The following ZBTB20 variants were observed in gnomAD, a reference collection of about 807,000 sequenced individuals.
The protein encoded by ZBTB20 is zinc finger and BTB domain-containing protein 20.
ZBTB20 carries 9 observed loss-of-function variants against 56.9 expected under a neutral mutation model. The observed-to-expected ratio is 0.16, with a 90% CI of 0.10 to 0.28. The LOEUF (loss-of-function observed/expected upper bound fraction) is 0.28. Ranked by LOEUF, ZBTB20 falls within the 10% of genes least tolerant of loss-of-function variation. ZBTB20 has a pLI of 1.00. For synonymous variants in ZBTB20, 417 were observed against 420.7 expected, an observed-to-expected ratio of 0.99 and a Z score of 0.11; for missense variants, 655 against 1,003.0, an observed-to-expected ratio of 0.65 and a Z score of 4.69.
chr3:114,863,148 A>G (rs1441137014), intron 4 of ZBTB20, among the ~76,000 whole-genome samples: 1 of 152,108 alleles, frequency 6.6e-6, no homozygotes, highest in Non-Finnish European at 1.5e-5. Context: ...TCTTCTGAGT[A>G]GCCAGGAGGA....
intron 5 of ZBTB20, among the ~76,000 whole-genome samples, chr3:114,778,836 T>C (rs1477210658): frequency 6.6e-6 from 1 of 152,218 alleles, no homozygotes; most frequent in Non-Finnish European, 1.5e-5. Context: ...AGTATTCATT[T>C]GGCAGTAGTT....
chr3:114,580,298 C>A (rs1014590207), intron 6 of ZBTB20, among the ~76,000 whole-genome samples: 1 of 151,528 alleles, frequency 6.6e-6, no homozygotes, highest in Admixed American at 6.6e-5. Flanking sequence ...TAAAATTTAA[C>A]TAGTATTTCT....
chr3:114,855,509 T>C (rs1347190247), intron 4 of ZBTB20, among the ~76,000 whole-genome samples: 1 of 152,212 alleles, frequency 6.6e-6, no homozygotes, highest in Admixed American at 6.6e-5. Context: ...GTTCTCTTTA[T>C]GTTCAAAATA....
Position 114,331,588 on chromosome 3 carries a change from G to A in ZBTB20, c.*7417C>T, listed in dbSNP as rs1337215019. 3 of 152,124 alleles carry A rather than the reference G, an allele frequency of 2.0e-5. No individual in the cohort carries two copies. The highest frequency in any genetic ancestry group is 3.9e-4 in the East Asian group (2 of 5,188). 9.4% of individuals were successfully genotyped at this position (152,124 alleles called of 1,614,324 possible). On this transcript the variant is annotated 3_prime_UTR_variant, in exon 12 of 12. Coordinates refer to ENST00000675478, the MANE Select transcript of ZBTB20 (RefSeq NM_001348800.3). ...AGTATATACACAAACACACACATGT[G>A]CACACATGTCAATAAATCCAATAGA...
rs1038217617 is a variant in ZBTB20 at position 114,319,253 on chromosome 3, T to A, written c.*19752A>T. The A allele has an allele frequency of 1.3e-5, 2 of 151,880 alleles. No individual in the cohort carries two copies. The highest frequency in any genetic ancestry group is 4.8e-5 in the African/African-American group (2 of 41,328). The allele number at this position is 151,880 out of a possible 1,614,324, so 9.4% of individuals were successfully genotyped here. A position where few individuals can be genotyped will look rare whatever the true frequency, so the allele number is the denominator to read the frequency against. The stretch of plus-strand genomic sequence containing the variant: ...AAATATTACACAACAAAAATATGTA[T>A]CCTTCCTTTCCAAAAAAGATTCTTC... On this transcript the variant is annotated 3_prime_UTR_variant, in exon 12 of 12. Coordinates refer to ENST00000675478, the MANE Select transcript of ZBTB20 (RefSeq NM_001348800.3).
intron 7 of ZBTB20, among the ~76,000 whole-genome samples, chr3:114,438,293 T>A (rs2090659043): frequency 6.6e-6 from 1 of 151,960 alleles, no homozygotes; most frequent in Non-Finnish European, 1.5e-5. Context: ...TAAGATAATC[T>A]TAATGTTAGG....
At chr3:115,011,657 A>C (rs1275784240) in intron 2 of ZBTB20, among the ~76,000 whole-genome samples, 1 of 151,930 alleles carries the variant, frequency 6.6e-6, no homozygotes, top group African/African-American at 2.4e-5. Flanking sequence ...GAAATGCTAA[A>C]GGGAGTACTT....
At chr3:114,891,609 G>A (rs549908083) in intron 4 of ZBTB20, among the ~76,000 whole-genome samples, 18 of 152,284 alleles carry the variant, frequency 1.2e-4, no homozygotes, top group Admixed American at 7.2e-4. Context: ...GCTATAAAAT[G>A]TAAGTAAATA....
At chr3:114,563,025 A>G (rs1380614448) in intron 6 of ZBTB20, among the ~76,000 whole-genome samples, 3 of 152,228 alleles carry the variant, frequency 2.0e-5, no homozygotes, top group Non-Finnish European at 4.4e-5. Context: ...AAGTGAGCAC[A>G]TGCTGTTGGA....
At chr3:114,423,708 C>A (rs1449626478) in intron 7 of ZBTB20, among the ~76,000 whole-genome samples, 1 of 152,148 alleles carries the variant, frequency 6.6e-6, no homozygotes, top group African/African-American at 2.4e-5. Flanking sequence ...ATATGAAATA[C>A]TCTGATGTTC....
At chr3:114,599,179 A>G (rs2056570969) in intron 6 of ZBTB20, 1 of 152,090 alleles carries the variant, frequency 6.6e-6, no homozygotes, top group Non-Finnish European at 1.5e-5. Flanking sequence ...AGTACATGGC[A>G]TTTCATGATG....
intron 6 of ZBTB20, among the ~76,000 whole-genome samples, chr3:114,556,454 G>A (rs1230533030): frequency 2.0e-5 from 3 of 149,620 alleles, no homozygotes; most frequent in Non-Finnish European, 4.4e-5. Flanking sequence ...TACCCTTCAG[G>A]ATGTAGCATC....
intron 5 of ZBTB20, among the ~76,000 whole-genome samples, chr3:114,711,228 T>G (rs953298829): frequency 2.6e-5 from 4 of 152,226 alleles, no homozygotes; most frequent in African/African-American, 9.6e-5. Context: ...TGGCTGTCTC[T>G]CCTTCCACTA....
intron 7 of ZBTB20, among the ~76,000 whole-genome samples, chr3:114,428,993 T>C (rs988849604): frequency 1.3e-5 from 2 of 151,880 alleles, no homozygotes; most frequent in Non-Finnish European, 2.9e-5. Context: ...ATTATACATA[T>C]ATATACAAAA....
At chr3:115,078,613 G>GTGTGTGTGTGTATATATATATA (rs769630983) in intron 1 of ZBTB20, among the ~76,000 whole-genome samples, 4 of 137,828 alleles carry the variant, frequency 2.9e-5, no homozygotes, top group African/African-American at 8.5e-5. Flanking sequence ...GTGTGTGTGT[G>GTGTGTGTGTGTATATATATATA]TATATATATA....
In ZBTB20 at chr3:114,323,667, T is replaced by C. The variant is rs1250308726; in HGVS notation, c.*15338A>G. 6.6e-6 allele frequency: 1 copy of C among 152,170 alleles called. No individual in the cohort carries two copies. The highest frequency in any genetic ancestry group is 1.5e-5 in the Non-Finnish European group (1 of 68,028). 9.4% of individuals were successfully genotyped at this position (152,170 alleles called of 1,614,324 possible). ...CTGAGAGCTCAGTCAGAAACAAGATTGGGTAAACTTTTTCTTAAATGTTCT... is the reference window on the plus strand; with the variant it reads ...CTGAGAGCTCAGTCAGAAACAAGATCGGGTAAACTTTTTCTTAAATGTTCT... On this transcript the variant is annotated 3_prime_UTR_variant, in exon 12 of 12. Coordinates refer to ENST00000675478, the MANE Select transcript of ZBTB20 (RefSeq NM_001348800.3).
intron 7 of ZBTB20, among the ~76,000 whole-genome samples, chr3:114,464,566 T>G (rs1315141426): frequency 1.3e-5 from 2 of 152,194 alleles, no homozygotes; most frequent in African/African-American, 4.8e-5. Flanking sequence ...CTTAGATTAA[T>G]GCAAAGAAAA....
At chr3:114,941,401 T>C (rs951432448) in intron 3 of ZBTB20, among the ~76,000 whole-genome samples, 1 of 146,394 alleles carries the variant, frequency 6.8e-6, no homozygotes, top group East Asian at 1.9e-4. Flanking sequence ...ACTTCAGGTT[T>C]TTAAAATGCT....
At chr3:114,680,222 T>C (rs187637995) in intron 6 of ZBTB20, among the ~76,000 whole-genome samples, 3 of 152,238 alleles carry the variant, frequency 2.0e-5, no homozygotes, top group Non-Finnish European at 4.4e-5. Context: ...CACCATGGCA[T>C]GTGTATACCT....
Sources: allele counts gnomAD v4.1 joint callset (sites outside exome capture counted in the v4.1 genomes callset), GRCh38; gene constraint gnomAD v4.1.1; transcripts MANE v1.5; gene names NCBI Gene and HGNC (gene_info 2026-07-23, HGNC 2026-07-21).